Variants in EIF4G3 observed in about 807,000 individuals in gnomAD.
The protein encoded by EIF4G3 is eIF-4-gamma 3.
A neutral mutation model predicts 186.4 loss-of-function variants in EIF4G3; 34 were observed. The ratio of observed to expected loss-of-function variants is 0.18; its 90% confidence interval spans 0.14 to 0.24. The LOEUF is 0.24. EIF4G3 is among the 10% of genes least tolerant of loss of function. EIF4G3 has a pLI of 1.00. For synonymous variants in EIF4G3, 673 were observed against 679.5 expected, an observed-to-expected ratio of 0.99 and a Z score of 0.15; for missense variants, 1,536 against 1,948.5, an observed-to-expected ratio of 0.79 and a Z score of 3.99.
intron 2 of EIF4G3, among the ~76,000 whole-genome samples, chr1:21,106,136 T>C (rs1004272520): frequency 2.0e-5 from 3 of 151,894 alleles, no homozygotes; most frequent in African/African-American, 7.3e-5. Context: ...TTTGGAAATT[T>C]AAGCAGAAGC....
intron 20 of EIF4G3, among the ~76,000 whole-genome samples, chr1:20,871,072 C>G (rs993490637): frequency 6.6e-6 from 1 of 152,074 alleles, no homozygotes; most frequent in African/African-American, 2.4e-5. Flanking sequence ...TTCTTAAAGG[C>G]CTACCCTTTA....
chr1:20,981,250 A>ATT (rs35524519), intron 8 of EIF4G3, 23 bp from the exon 9 acceptor site: 1,192 of 1,223,890 alleles, frequency 9.7e-4, no homozygotes, highest in Non-Finnish European at 1.1e-3. Context: ...GAAAAAAAAA[A>ATT]TTTTTTTTTT....
chr1:21,162,748 CA>C (rs11291861), intron 2 of EIF4G3, among the ~76,000 whole-genome samples: 146,649 of 151,616 alleles, frequency 0.97, 71,108 homozygotes, highest in East Asian at 1. Flanking sequence ...ACTCCATCTC[CA>C]AAAAAAAATA....
chr1:21,020,027 T>A (rs1316079119), intron 4 of EIF4G3, among the ~76,000 whole-genome samples: 1 of 152,230 alleles, frequency 6.6e-6, no homozygotes, highest in Non-Finnish European at 1.5e-5. Flanking sequence ...CTATTGCAAC[T>A]GCCAATCTGA....
chr1:20,822,351 C>G (rs994388009), intron 33 of EIF4G3, among the ~76,000 whole-genome samples: 11 of 133,416 alleles, frequency 8.2e-5, no homozygotes, highest in Non-Finnish European at 1.6e-5. Flanking sequence ...TCTCAAAGAA[C>G]CAGCTTTTTT....
At position 21,001,284 on chromosome 1, in the gene EIF4G3, G is replaced by C. The variant is rs775602304; in HGVS notation, c.59C>G (p.Thr20Arg). The C allele has an allele frequency of 2.1e-6, 1 of 471,230 alleles. No homozygotes were observed. The allele number at this position is 471,230 out of a possible 1,614,324, so 29.2% of individuals were successfully genotyped here. The change falls in exon 6 of 37, where the codon ACA (threonine) becomes AGA (arginine). Residue 20 changes from threonine to arginine, a missense_variant. Around this residue, in one of 11 missense-constraint regions of EIF4G3, gnomAD observed 194 missense variants for 212.8 expected, o/e 0.91. Transcript: ENST00000602326. Reference sequence around the variant, plus strand: ...AACCTTCCTCCTCTTCCAGTTGTCTGTGCAATGTATTGGCACTGTTCTGCT... The same window carrying C: ...AACCTTCCTCCTCTTCCAGTTGTCTCTGCAATGTATTGGCACTGTTCTGCT... ...PPSRTVPIHC[T>R]DNWKRRKVLE...
At chr1:20,846,801 A>G (rs756639480) in intron 29 of EIF4G3, among the ~76,000 whole-genome samples, 15 of 152,174 alleles carry the variant, frequency 9.9e-5, no homozygotes, top group Non-Finnish European at 1.8e-4. Flanking sequence ...GCCACTTACT[A>G]CTTTAGAGTT....
At chr1:21,132,150 TA>T (rs553835280) in intron 2 of EIF4G3, among the ~76,000 whole-genome samples, 18 of 152,186 alleles carry the variant, frequency 1.2e-4, no homozygotes, top group African/African-American at 3.9e-4. Flanking sequence ...CAAAACTCAA[TA>T]AACATAGCCA....
intron 19 of EIF4G3, among the ~76,000 whole-genome samples, chr1:20,882,146 G>T (rs1447497264): frequency 6.7e-6 from 1 of 150,330 alleles, no homozygotes; most frequent in Non-Finnish European, 1.5e-5. Context: ...ATGGGTAACA[G>T]TGAGACCCTG....
At chr1:21,115,852 G>A (rs2096810411) in intron 2 of EIF4G3, among the ~76,000 whole-genome samples, 1 of 152,084 alleles carries the variant, frequency 6.6e-6, no homozygotes, top group Non-Finnish European at 1.5e-5. Context: ...AAGTATCTAG[G>A]AATATACAGG....
At chr1:21,065,416 A>T (rs1219829641) in intron 3 of EIF4G3, among the ~76,000 whole-genome samples, 2 of 151,096 alleles carry the variant, frequency 1.3e-5, no homozygotes, top group South Asian at 2.1e-4. Flanking sequence ...AAAAAAAAAA[A>T]TTTAGCATGG....
intron 29 of EIF4G3, among the ~76,000 whole-genome samples, chr1:20,841,864 G>A (rs1266506670): frequency 6.7e-6 from 1 of 149,790 alleles, no homozygotes; most frequent in African/African-American, 2.5e-5. Flanking sequence ...TTCCAAGGGG[G>A]AGGATGTAGG....
intron 4 of EIF4G3, among the ~76,000 whole-genome samples, chr1:21,045,313 GT>G (rs2093818990): frequency 6.6e-6 from 1 of 152,132 alleles, no homozygotes; most frequent in Non-Finnish European, 1.5e-5. Flanking sequence ...AAATTGTGGT[GT>G]AACAATAAGC....
At position 21,042,637 on chromosome 1, in the gene EIF4G3, T is replaced by A. The variant is rs2093649381; in HGVS notation, c.-67+8229A>T. 2.6e-5 allele frequency among the ~76,000 whole-genome samples: 4 copies of A among 152,178 alleles called. No individual in the cohort carries two copies. In the South Asian group the frequency reaches 8.3e-4, roughly 32 times the overall value. On this transcript the variant is annotated intron_variant, in intron 4 of 36. Coordinates refer to ENST00000602326, the MANE Select transcript of EIF4G3 (RefSeq NM_001391906.1). ...ATCAGCATGCTCCCGTCCACTACAA[T>A]AAATCTGAAAAGACATATATACCCA...
rs145480249 is a variant in EIF4G3, at chr1:21,050,908, C to T, written c.-109G>A. On this transcript the variant is annotated 5_prime_UTR_variant, in exon 4 of 37. Transcript: ENST00000602326. ...ACGATGCATGTCCCGGGGGCGTTGC[C>T]GCAAGATTTGGATGCCCCTTGTTTA... is the stretch of plus-strand genomic sequence containing the variant. The T allele has an allele frequency of 1.6e-3, 1,165 of 713,598 alleles. 13 individuals are homozygous for T. The African/African-American group carries it at 0.019, about 11-fold the overall frequency. 44.2% of individuals were successfully genotyped at this position (713,598 alleles called of 1,614,324 possible).
intron 33 of EIF4G3, among the ~76,000 whole-genome samples, chr1:20,820,954 G>A (rs2062194049): frequency 6.6e-6 from 1 of 152,066 alleles, no homozygotes; most frequent in Admixed American, 6.5e-5. Flanking sequence ...CTGCCTACTA[G>A]AGAGGAGCTA....
At chr1:21,138,430 T>C (rs2097284233) in intron 2 of EIF4G3, among the ~76,000 whole-genome samples, 2 of 152,006 alleles carry the variant, frequency 1.3e-5, no homozygotes, top group African/African-American at 2.4e-5. Context: ...AAAGAGAGAA[T>C]TCCTAAGCCC....
At chr1:20,882,796 C>CA (rs533959378) in intron 19 of EIF4G3, among the ~76,000 whole-genome samples, 1,408 of 140,582 alleles carry the variant, frequency 0.01, 13 homozygotes, top group Admixed American at 0.035. Flanking sequence ...GACCCTCTTT[C>CA]AAAAAAAAAA....
intron 2 of EIF4G3, among the ~76,000 whole-genome samples, chr1:21,110,051 G>T (rs544718340): frequency 6.6e-6 from 1 of 152,252 alleles, no homozygotes; most frequent in South Asian, 2.1e-4. Context: ...GCCTCCCAAA[G>T]TGCTAGGATT....
Sources: allele counts gnomAD v4.1 joint callset (sites outside exome capture counted in the v4.1 genomes callset), GRCh38; gene constraint gnomAD v4.1.1; regional missense constraint gnomAD v4.1.1; transcripts MANE v1.5; gene names NCBI Gene and HGNC (gene_info 2026-07-23, HGNC 2026-07-21).